The following ZAN variants were observed in gnomAD, a reference collection of about 807,000 sequenced individuals.
The protein encoded by ZAN is zonadhesin (gene/pseudogene).
In ZAN, 260 loss-of-function variants were observed where a neutral mutation model predicts 286.2. The observed-to-expected ratio is 0.91, with a 90% CI of 0.82 to 1.01. The LOEUF is 1.01. ZAN is among the 50% of genes least tolerant of loss of function. ZAN has a pLI of 0.00. For missense variants in ZAN, 3,410 were observed against 3,639.2 expected (o/e 0.94, Z 1.62); for synonymous variants, 1,368 against 1,417.5 (o/e 0.97, Z 0.79).
chr7:100,761,980 A>C (rs1422769790), intron 19 of ZAN, among the ~76,000 whole-genome samples: 1 of 151,654 alleles, frequency 6.6e-6, no homozygotes, highest in Non-Finnish European at 1.5e-5. Flanking sequence ...AAATAAATAA[A>C]TAAATAAAGT....
chr7:100,762,200 C>T lies in ZAN; in HGVS notation c.3843-15C>T. 1.2e-6 allele frequency: 2 copies of T among 1,612,310 alleles called. No homozygotes were observed. Among genetic ancestry groups the T allele is most frequent in the South Asian group, 1.1e-5 (1 of 91,050 alleles). ...CTTCTCTCCATTAACGCCAGCTCCT[C>T]TCCTGTTCCCCTAGCACATACTCTG... On this transcript the variant is annotated splice_polypyrimidine_tract_variant and intron_variant, in intron 19 of 47. Transcript: ENST00000613979.
chr7:100,795,188 C>G lies in ZAN; in HGVS notation c.8126-8C>G. ...GCCCCCCTCCCACAACCCTCTCTGT[C>G]CTTGCAGAAAGCCCGTGTCTGCAGA... On this transcript the variant is annotated splice_region_variant and splice_polypyrimidine_tract_variant and intron_variant, in intron 44 of 47. Transcript: ENST00000613979. 1 of 1,606,128 alleles carries G rather than the reference C, an allele frequency of 6.2e-7. No homozygotes were observed. The highest frequency in any genetic ancestry group is 8.5e-7 in the Non-Finnish European group (1 of 1,176,356).
Position 100,779,689 on chromosome 7 carries a change from C to T in ZAN, c.6561C>T (p.Phe2187=), listed in dbSNP as rs554193689. 32 of 1,562,334 alleles carry T rather than the reference C, an allele frequency of 2.0e-5. 1 individual carries two copies. Among genetic ancestry groups the T allele is most frequent in the Middle Eastern group, 3.4e-4 (2 of 5,902 alleles). ...CCCTCTGCCAGGCTCTGCAAGCCTT[C>T]GGGGCCACCTGCCAGAGCCAGGGGC... ...YQALCQALQA[F]GATCQSQGLK... is the part of the protein sequence containing the mutation. The change falls in exon 35 of 48, where the codon TTC becomes TTT. Residue 2187 remains phenylalanine, a synonymous_variant. Coordinates refer to ENST00000613979, the MANE Select transcript of ZAN (RefSeq NM_003386.3).
Position 100,788,109 on chromosome 7 carries a change from G to A in ZAN, c.7200G>A (p.Val2400=), listed in dbSNP as rs1212065675. The A allele has an allele frequency of 1.3e-6, 2 of 1,533,090 alleles. No individual in the cohort carries two copies. Among genetic ancestry groups the A allele is most frequent in the Non-Finnish European group, 1.8e-6 (2 of 1,128,284 alleles). 95.0% of individuals were successfully genotyped at this position (1,533,090 alleles called of 1,614,324 possible). A position where few individuals can be genotyped will look rare whatever the true frequency, so the allele number is the denominator to read the frequency against. ...TTACCACCGTCTACGGCTATAAAGT[G>A]CAGCTCCAAGCTGGTCTGGAGCTTG... ...EVITTVYGYK[V]QLQAGLELVV... Residue 2400 remains valine, a synonymous_variant, in exon 38 of 48, where the codon GTG becomes GTA. Transcript: ENST00000613979.
At position 100,748,460 on chromosome 7, in the gene ZAN, C is replaced by T; in HGVS notation, c.1239C>T (p.Phe413=). Residue 413 remains phenylalanine (F), a synonymous_variant, in exon 11 of 48, where the codon TTC becomes TTT. Coordinates refer to ENST00000613979, the MANE Select transcript of ZAN (RefSeq NM_003386.3). ...PVHGMGPAGG[F]PNAGGHYIYL... ...ATGGCATGGGCCCTGCGGGAGGTTT[C>T]CCTAATGCAGGTGAGGAGATTGAGG... 1 of 1,611,826 alleles carries T rather than the reference C, an allele frequency of 6.2e-7. No individual in the cohort carries two copies. The highest frequency in any genetic ancestry group is 1.3e-5 in the African/African-American group (1 of 75,002).
In ZAN at chr7:100,759,945, G is replaced by A. The variant is rs561231495; in HGVS notation, c.3696+100G>A. 5 of 1,466,382 alleles carry A rather than the reference G, an allele frequency of 3.4e-6. No individual in the cohort carries two copies. The African/African-American group carries it at 5.6e-5, about 16-fold the overall frequency. The allele number at this position is 1,466,382 out of a possible 1,614,324, so 90.8% of individuals were successfully genotyped here. ...CCTTTCCACGGATGGGGTTCAACAA[G>A]ACAGTGACCTGCAATCCCAGCTCCT... On this transcript the variant is annotated intron_variant, in intron 18 of 47. Coordinates refer to ENST00000613979, the MANE Select transcript of ZAN (RefSeq NM_003386.3).
At position 100,792,101 on chromosome 7, in the gene ZAN, C is replaced by T. The variant is rs1204188877; in HGVS notation, c.7665C>T (p.Gly2555=). ...QACRVLADPQ[G]PFAACHQTVA... ...GTAGGGTGCTGGCAGACCCCCAGGG[C>T]CCCTTTGCTGCCTGTCACCAGACGG... is the stretch of plus-strand genomic sequence containing the variant. Residue 2555 remains glycine (G), a synonymous_variant, in exon 41 of 48, where the codon GGC becomes GGT. Coordinates refer to ENST00000613979, the MANE Select transcript of ZAN (RefSeq NM_003386.3). The T allele has an allele frequency of 1.2e-6, 2 of 1,612,640 alleles. No individual in the cohort carries two copies. The highest frequency in any genetic ancestry group is 3.3e-5 in the Admixed American group (2 of 59,894).
chr7:100,755,542 A>G (rs1809087774), intron 15 of ZAN, 132 bp downstream of exon 15: 19 of 1,007,046 alleles, frequency 1.9e-5, no homozygotes, highest in Non-Finnish European at 2.7e-5. Flanking sequence ...CTCAGAAGCA[A>G]TGGTTACATG....
In ZAN at chr7:100,787,956, GCAAGGCCGCATGACCTATGTT is replaced by G; in HGVS notation, c.7049_7069del (p.Gln2350_Val2356del). The G allele has an allele frequency of 2.0e-6, 1 of 498,316 alleles. No homozygotes were observed. The allele number at this position is 498,316 out of a possible 1,614,324, so 30.9% of individuals were successfully genotyped here. On this transcript the variant is annotated inframe_deletion, in exon 38 of 48. Coordinates refer to ENST00000613979, the MANE Select transcript of ZAN (RefSeq NM_003386.3). ...CATTTGACGGCTTCAGCTACCGCTTGCAAGGCCGCATGACCTATGTTCTGATCAAGACTGTGGACGTACTGC... is the reference window on the plus strand; with the variant it reads ...CATTTGACGGCTTCAGCTACCGCTTGCTGATCAAGACTGTGGACGTACTGC...
chr7:100,740,296 T>A lies in ZAN; in HGVS notation c.766+1683T>A, dbSNP rs1051499909. 2.2e-4 allele frequency among the ~76,000 whole-genome samples: 28 copies of A among 129,958 alleles called. 4 individuals are homozygous for A. Among genetic ancestry groups the A allele is most frequent in the Non-Finnish European group, 4.1e-4 (25 of 61,518 alleles). 85.3% of individuals were successfully genotyped at this position (129,958 alleles called of 152,430 possible). A position where few individuals can be genotyped will look rare whatever the true frequency, so the allele number is the denominator to read the frequency against. On this transcript the variant is annotated intron_variant, in intron 7 of 47. Transcript: ENST00000613979. ...AGTGACTTGATCTGACTTATTTATT[T>A]TTTTTTTTTTAATTTATTTTTTTAT... is the stretch of plus-strand genomic sequence containing the variant.
intron 1 of ZAN, 26 bp from the exon 2 acceptor site, chr7:100,734,001 C>G: frequency 4.3e-6 from 2 of 461,204 alleles, no homozygotes; most frequent in Non-Finnish European, 8.3e-6. Flanking sequence ...TGGTAACTTT[C>G]AACTCTCATA....
chr7:100,737,148 G>A lies in ZAN; in HGVS notation c.525+68G>A. On this transcript the variant is annotated intron_variant, in intron 5 of 47. Coordinates refer to ENST00000613979, the MANE Select transcript of ZAN (RefSeq NM_003386.3). ...GGTGTTGGAGAGCCTGAGGGTGGGG[G>A]TGTGGCAAAAAGGGATTGTGGGGGC... is the stretch of plus-strand genomic sequence containing the variant. The A allele has an allele frequency of 2.1e-6, 3 of 1,448,798 alleles. 1 individual carries two copies. Among genetic ancestry groups the A allele is most frequent in the South Asian group, 1.2e-5 (1 of 81,822 alleles). 89.7% of individuals were successfully genotyped at this position (1,448,798 alleles called of 1,614,324 possible).
At chr7:100,780,685 A>G (rs1811140039) in intron 35 of ZAN, among the ~76,000 whole-genome samples, 1 of 152,038 alleles carries the variant, frequency 6.6e-6, no homozygotes, top group South Asian at 2.1e-4. Flanking sequence ...CCCAAAAAAC[A>G]AAAAAAGATA....
intron 44 of ZAN, among the ~76,000 whole-genome samples, chr7:100,794,889 G>A (rs1283683228): frequency 6.7e-6 from 1 of 148,946 alleles, no homozygotes; most frequent in Non-Finnish European, 1.5e-5. Context: ...GGGAGGAAAG[G>A]AAGGGAGGGA....
intron 19 of ZAN, among the ~76,000 whole-genome samples, chr7:100,761,972 A>ATAAATAAG (rs1809611385): frequency 6.6e-6 from 1 of 151,680 alleles, no homozygotes; most frequent in Non-Finnish European, 1.5e-5. Flanking sequence ...AAATAAATAA[A>ATAAATAAG]TAAATAAATA....
In ZAN at chr7:100,734,096, G is replaced by T; in HGVS notation, c.-73G>T. 1.0e-6 allele frequency: 1 copy of T among 1,004,032 alleles called. No homozygotes were observed. Among genetic ancestry groups the T allele is most frequent in the South Asian group, 1.4e-5 (1 of 73,346 alleles). The allele number at this position is 1,004,032 out of a possible 1,614,324, so 62.2% of individuals were successfully genotyped here. On this transcript the variant is annotated 5_prime_UTR_variant, in exon 2 of 48. Coordinates refer to ENST00000613979, the MANE Select transcript of ZAN (RefSeq NM_003386.3). ...AGGATGCCAAGCTAAGGAGGCCAGG[G>T]GGGAATAAAAGGAGTCCAGGCTCCC...
At position 100,765,559 on chromosome 7, in the gene ZAN, G is replaced by A; in HGVS notation, c.4470+5G>A. 3 of 1,593,254 alleles carry A rather than the reference G, an allele frequency of 1.9e-6. No individual in the cohort carries two copies. The highest frequency in any genetic ancestry group is 1.7e-6 in the Non-Finnish European group (2 of 1,170,428). On this transcript the variant is annotated splice_donor_5th_base_variant and intron_variant, in intron 23 of 47. Transcript: ENST00000613979. The stretch of plus-strand genomic sequence containing the variant: ...CCTGCAGGCAGCTACTTCAAGGTGA[G>A]CGGCTGCGTGGACCTCTCAGCCCTG...
chr7:100,779,815 G>A, intron 35 of ZAN, 65 bp downstream of exon 35: 2 of 1,467,022 alleles, frequency 1.4e-6, no homozygotes, highest in Non-Finnish European at 1.8e-6. Context: ...GCTTCCCTGA[G>A]AGCTCCCTCA....
At chr7:100,783,789 T>TATATATATAC (rs1811366194) in intron 35 of ZAN, among the ~76,000 whole-genome samples, 2 of 10,122 alleles carry the variant, frequency 2.0e-4, no homozygotes, top group African/African-American at 3.6e-4. Flanking sequence ...TATATACACA[T>TATATATATAC]ATATATATAT....
Sources: allele counts gnomAD v4.1 joint callset (sites outside exome capture counted in the v4.1 genomes callset), GRCh38; gene constraint gnomAD v4.1.1; transcripts MANE v1.5; gene names NCBI Gene and HGNC (gene_info 2026-07-23, HGNC 2026-07-21).